Variants in KCNK2 observed in about 807,000 individuals in gnomAD.
KCNK2 encodes the protein potassium two pore domain channel subfamily K member 2.
A neutral mutation model predicts 40.5 loss-of-function variants in KCNK2; 21 were observed. The observed-to-expected ratio is 0.52, with a 90% confidence interval of 0.37 to 0.75. KCNK2 has a LOEUF of 0.75. Among genes scored for constraint, KCNK2 ranks in the 30% least tolerant of loss-of-function variants. The pLI is 0.00. For synonymous variants in KCNK2, 191 were observed against 202.2 expected (o/e 0.94, Z 0.47); for missense variants, 399 against 531.6 (o/e 0.75, Z 2.45).
At chr1:215,020,300 T>C (rs1416306380) in intron 1 of KCNK2, among the ~76,000 whole-genome samples, 1 of 152,218 alleles carries the variant, frequency 6.6e-6, no homozygotes, top group South Asian at 2.1e-4. Flanking sequence ...TACAAAGATA[T>C]TTAGACTTCT....
intron 2 of KCNK2, among the ~76,000 whole-genome samples, chr1:215,121,057 C>G (rs1661169603): frequency 6.6e-6 from 1 of 152,098 alleles, no homozygotes; most frequent in South Asian, 2.1e-4. Context: ...TCTTATTTAA[C>G]TTAGCTCTGG....
chr1:215,032,098 TA>T (rs1271651842), intron 1 of KCNK2, among the ~76,000 whole-genome samples: 2 of 149,426 alleles, frequency 1.3e-5, no homozygotes, highest in Non-Finnish European at 3.0e-5. Flanking sequence ...TTACATCAAT[TA>T]AGGATTTTTT....
At position 215,021,537 on chromosome 1, in the gene KCNK2, C is replaced by CTTTTTTTTTT. The variant is rs538476962; in HGVS notation, c.34+15599_34+15608dup. Among the ~76,000 whole-genome samples the CTTTTTTTTTT allele has an allele frequency of 2.0e-4, 19 of 96,324 alleles. 2 individuals carry two copies. Among genetic ancestry groups the CTTTTTTTTTT allele is most frequent in the African/African-American group, 8.4e-4 (19 of 22,530 alleles). 63.2% of individuals were successfully genotyped at this position (96,324 alleles called of 152,430 possible). A position where few individuals can be genotyped will look rare whatever the true frequency, so the allele number is the denominator to read the frequency against. ...TCTCTTCTGGAGCTGGGACAACCAT[C>CTTTTTTTTTT]TTTTTTTTTTTTTTTTTTTTTTTTT... is the stretch of plus-strand genomic sequence containing the variant. On this transcript the variant is annotated intron_variant, in intron 1 of 6. Coordinates refer to the KCNK2 transcript ENST00000391895.
At chr1:215,115,649 C>G (rs775347358) in intron 2 of KCNK2, among the ~76,000 whole-genome samples, 47 of 152,076 alleles carry the variant, frequency 3.1e-4, no homozygotes, top group Non-Finnish European at 1.6e-4. Context: ...ACTAAACAAC[C>G]TTGATCTTTT....
chr1:215,221,235 G>T (rs4446938), intron 6 of KCNK2, among the ~76,000 whole-genome samples: 3,428 of 152,082 alleles, frequency 0.023, 62 homozygotes, highest in Non-Finnish European at 0.032. Flanking sequence ...GTAGTCAGGC[G>T]TGGTGGCAGG....
intron 3 of KCNK2, among the ~76,000 whole-genome samples, chr1:215,145,128 T>C (rs932348563): frequency 1.3e-5 from 2 of 152,192 alleles, no homozygotes; most frequent in African/African-American, 4.8e-5. Flanking sequence ...GCCACCATTA[T>C]TTTTTATTGA....
At chr1:215,198,177 T>C (rs1664944640) in intron 6 of KCNK2, among the ~76,000 whole-genome samples, 1 of 152,222 alleles carries the variant, frequency 6.6e-6, no homozygotes. Context: ...ACACATCTTT[T>C]GGCATGTACC....
intron 2 of KCNK2, among the ~76,000 whole-genome samples, chr1:215,100,358 A>T (rs1660156753): frequency 6.6e-6 from 1 of 151,976 alleles, no homozygotes; most frequent in Admixed American, 6.6e-5. Context: ...TTTATTTTGC[A>T]TTGGGACTAA....
chr1:215,230,586 AATAT>A (rs67678689), intron 6 of KCNK2, among the ~76,000 whole-genome samples: 29,118 of 122,580 alleles, frequency 0.24, 3,920 homozygotes, highest in South Asian at 0.51. Flanking sequence ...ACAAGACCGT[AATAT>A]ATATATATAT....
At chr1:215,105,777 G>C (rs1660410436) in intron 2 of KCNK2, among the ~76,000 whole-genome samples, 1 of 151,898 alleles carries the variant, frequency 6.6e-6, no homozygotes, top group Non-Finnish European at 1.5e-5. Flanking sequence ...CCCGGTGTCT[G>C]TTGTTCCCAT....
chr1:215,069,988 C>A (rs1658689099), intron 1 of KCNK2, among the ~76,000 whole-genome samples: 1 of 151,772 alleles, frequency 6.6e-6, no homozygotes, highest in Non-Finnish European at 1.5e-5. Context: ...TTACTTACAC[C>A]CATTCAAAAA....
In KCNK2 at chr1:215,126,707, A is replaced by C. The variant is rs75132282; in HGVS notation, c.475+1957A>C. Among the ~76,000 whole-genome samples the C allele has an allele frequency of 8.2e-4, 125 of 152,282 alleles. 2 individuals carry two copies. In the East Asian group the frequency reaches 0.021, roughly 25 times the overall value. On this transcript the variant is annotated intron_variant, in intron 3 of 6. Coordinates refer to ENST00000444842, the MANE Select transcript of KCNK2 (RefSeq NM_001017425.3). The stretch of plus-strand genomic sequence containing the variant: ...ACATACACTTCAACACATGAAAAAA[A>C]ATAAACCATTATTACCAGCCTTACT...
At chr1:215,115,213 C>A (rs184375715) in intron 2 of KCNK2, among the ~76,000 whole-genome samples, 48 of 152,098 alleles carry the variant, frequency 3.2e-4, no homozygotes, top group Admixed American at 1.4e-3. Context: ...CCTGTGATTA[C>A]CTTTATATAG....
intron 1 of KCNK2, among the ~76,000 whole-genome samples, chr1:215,039,101 A>G (rs567717556): frequency 2.2e-4 from 34 of 152,256 alleles, no homozygotes; most frequent in Non-Finnish European, 4.1e-4. Context: ...CAAATCAGAT[A>G]GTAATTATTC....
intron 6 of KCNK2, among the ~76,000 whole-genome samples, chr1:215,220,488 T>G (rs545923324): frequency 6.6e-6 from 1 of 152,294 alleles, no homozygotes; most frequent in South Asian, 2.1e-4. Context: ...CTACCACCCC[T>G]TGAGTAGACA....
At chr1:215,085,027 C>T (rs949002325) in intron 1 of KCNK2, among the ~76,000 whole-genome samples, 3 of 152,144 alleles carry the variant, frequency 2.0e-5, no homozygotes, top group Non-Finnish European at 4.4e-5. Flanking sequence ...AATTAACTCA[C>T]AGTGTTAGGT....
intron 5 of KCNK2, among the ~76,000 whole-genome samples, chr1:215,188,338 C>T (rs1664535751): frequency 6.6e-6 from 1 of 152,112 alleles, no homozygotes; most frequent in South Asian, 2.1e-4. Flanking sequence ...TATAGTTTTT[C>T]ACAGTGTTAT....
intron 1 of KCNK2, among the ~76,000 whole-genome samples, chr1:215,038,433 T>C (rs1388012430): frequency 1.3e-5 from 2 of 152,238 alleles, no homozygotes; most frequent in East Asian, 1.9e-4. Context: ...TGAATGGAGA[T>C]AGTATGTTCA....
chr1:215,234,696 A>T, intron 6 of KCNK2, 132 bp from the exon 7 acceptor site: 1 of 778,468 alleles, frequency 1.3e-6, no homozygotes, highest in Non-Finnish European at 2.1e-6. Flanking sequence ...CAATTCTCAG[A>T]CCACCAGTGC....
Sources: allele counts gnomAD v4.1 joint callset (sites outside exome capture counted in the v4.1 genomes callset), GRCh38; gene constraint gnomAD v4.1.1; transcripts MANE v1.5; gene names NCBI Gene and HGNC (gene_info 2026-07-23, HGNC 2026-07-21).